The following PPM1L variants were observed in gnomAD, a reference collection of about 807,000 sequenced individuals.
PPM1L encodes the protein protein phosphatase, Mg2+/Mn2+ dependent 1L.
In PPM1L, 13 loss-of-function variants were observed where a neutral mutation model predicts 31.4. That is an observed-to-expected ratio of 0.41 (90% CI 0.27 to 0.66). The LOEUF is 0.66. Ranked by LOEUF, PPM1L falls within the 30% of genes least tolerant of loss-of-function variation. The pLI is 0.29. For synonymous variants in PPM1L, 184 were observed against 175.4 expected (o/e 1.05, Z -0.39); for missense variants, 326 against 453.7 (o/e 0.72, Z 2.56).
At chr3:160,965,246 CA>C (rs903460640) in intron 2 of PPM1L, among the ~76,000 whole-genome samples, 107 of 135,310 alleles carry the variant, frequency 7.9e-4, no homozygotes, top group Middle Eastern at 3.8e-3. Flanking sequence ...GCCTCCATCT[CA>C]AAAAAAAAAA....
At chr3:160,757,126 A>G (rs1385465362) in intron 1 of PPM1L, among the ~76,000 whole-genome samples, 3 of 152,294 alleles carry the variant, frequency 2.0e-5, no homozygotes, top group South Asian at 2.1e-4. Flanking sequence ...AAGGAAGACA[A>G]TATCTTATGC....
intron 1 of PPM1L, among the ~76,000 whole-genome samples, chr3:160,884,509 C>G (rs555666655): frequency 6.6e-6 from 1 of 152,220 alleles, no homozygotes; most frequent in South Asian, 2.1e-4. Flanking sequence ...TGTAAGGGAC[C>G]CAGTGGCACT....
chr3:161,028,135 G>C lies in PPM1L; in HGVS notation c.575-37268G>C, dbSNP rs558655216. On this transcript the variant is annotated intron_variant, in intron 2 of 3. Coordinates refer to ENST00000498165, the MANE Select transcript of PPM1L (RefSeq NM_139245.4). ...GAAGGGGAATTTCAGAAATCATAAA[G>C]TAATAGAATTAACAAGGCTTACCGG... Among the ~76,000 whole-genome samples, 58 of 152,266 alleles carry C rather than the reference G, an allele frequency of 3.8e-4. 1 individual carries two copies. In the South Asian group the frequency reaches 0.01, roughly 27 times the overall value.
At chr3:160,966,932 T>C (rs7617759) in intron 2 of PPM1L, among the ~76,000 whole-genome samples, 136,889 of 152,028 alleles carry the variant, frequency 0.9, 61,766 homozygotes, top group Middle Eastern at 0.97. Context: ...GCAGGAATTA[T>C]GTAAACCAGT....
rs1025762840 is a variant in PPM1L at position 160,884,001 on chromosome 3, T to A, written c.400-77735T>A. ...AGGAGGATTTCTTGAGCCTGGGAGT[T>A]TGAGACTGCCACGAGCTGTGATTGA... On this transcript the variant is annotated intron_variant, in intron 1 of 3. Coordinates refer to ENST00000498165, the MANE Select transcript of PPM1L (RefSeq NM_139245.4). Among the ~76,000 whole-genome samples the A allele has an allele frequency of 2.6e-5, 4 of 151,816 alleles. No homozygotes were observed. In the South Asian group the frequency reaches 8.3e-4, roughly 32 times the overall value.
At chr3:160,761,369 C>G (rs897076881) in intron 1 of PPM1L, among the ~76,000 whole-genome samples, 9 of 152,086 alleles carry the variant, frequency 5.9e-5, no homozygotes, top group South Asian at 2.1e-4. Context: ...GGAATAGTCT[C>G]CTTAGCTCTG....
chr3:161,034,186 G>C (rs1463311240), intron 2 of PPM1L, among the ~76,000 whole-genome samples: 1 of 152,144 alleles, frequency 6.6e-6, no homozygotes, highest in Non-Finnish European at 1.5e-5. Context: ...TTAAAGTCAG[G>C]AAACAACAGA....
intron 1 of PPM1L, among the ~76,000 whole-genome samples, chr3:160,931,590 G>A (rs1714790281): frequency 1.3e-5 from 2 of 152,212 alleles, no homozygotes; most frequent in Admixed American, 1.3e-4. Context: ...GAGAAGAGCA[G>A]GGATCTCCTA....
At chr3:160,816,492 T>A (rs201587638) in intron 1 of PPM1L, among the ~76,000 whole-genome samples, 1 of 146,576 alleles carries the variant, frequency 6.8e-6, no homozygotes. Context: ...TTTTTTTTTT[T>A]AACCCAGCTA....
At chr3:160,808,412 T>C (rs9823036) in intron 1 of PPM1L, among the ~76,000 whole-genome samples, 51,435 of 121,988 alleles carry the variant, frequency 0.42, 12,203 homozygotes, top group African/African-American at 0.65. Flanking sequence ...TGTGTGTGTG[T>C]GTGTGTGTGT....
At chr3:160,804,227 C>T (rs888294796) in intron 1 of PPM1L, among the ~76,000 whole-genome samples, 3 of 152,112 alleles carry the variant, frequency 2.0e-5, no homozygotes, top group South Asian at 2.1e-4. Flanking sequence ...CCACCATGCC[C>T]GGCTGAGATT....
chr3:160,979,176 CA>C (rs1242543900), intron 2 of PPM1L, among the ~76,000 whole-genome samples: 4 of 152,034 alleles, frequency 2.6e-5, no homozygotes, highest in African/African-American at 9.7e-5. Context: ...ACCTGAGTAG[CA>C]TGGTGAGATG....
chr3:161,045,002 A>G (rs1197697457), intron 2 of PPM1L, among the ~76,000 whole-genome samples: 2 of 152,246 alleles, frequency 1.3e-5, no homozygotes, highest in African/African-American at 2.4e-5. Context: ...TTTTAAACCA[A>G]CAAAGATCAA....
intron 1 of PPM1L, among the ~76,000 whole-genome samples, chr3:160,849,068 A>G (rs901996939): frequency 6.6e-6 from 1 of 152,192 alleles, no homozygotes; most frequent in Non-Finnish European, 1.5e-5. Context: ...CAGTGACCTC[A>G]TTTTGAACCT....
At chr3:161,067,623 A>G (rs1235718496) in intron 3 of PPM1L, among the ~76,000 whole-genome samples, 3 of 152,328 alleles carry the variant, frequency 2.0e-5, no homozygotes, top group East Asian at 1.9e-4. Context: ...AGAGGTTGAT[A>G]ATATTATTCT....
intron 2 of PPM1L, among the ~76,000 whole-genome samples, chr3:161,035,210 TA>T (rs63163360): frequency 0.15 from 21,257 of 139,660 alleles, 1,620 homozygotes; most frequent in East Asian, 0.29. Context: ...AAAGTATAAT[TA>T]AAAAAAAAAA....
At chr3:160,827,983 A>G (rs1265353068) in intron 1 of PPM1L, among the ~76,000 whole-genome samples, 1 of 152,090 alleles carries the variant, frequency 6.6e-6, no homozygotes, top group African/African-American at 2.4e-5. Flanking sequence ...GGCACCACAC[A>G]CTTTTAAACA....
chr3:160,942,953 G>A (rs528877794), intron 1 of PPM1L, among the ~76,000 whole-genome samples: 1 of 152,016 alleles, frequency 6.6e-6, no homozygotes, highest in African/African-American at 2.4e-5. Context: ...CTGAAGGATA[G>A]ACTTTTTTTT....
chr3:161,057,848 T>A (rs1037591945), intron 2 of PPM1L, among the ~76,000 whole-genome samples: 2 of 151,820 alleles, frequency 1.3e-5, no homozygotes, highest in African/African-American at 4.8e-5. Context: ...TGCCCTTCCT[T>A]AGAGCCAGAA....
Sources: allele counts gnomAD v4.1 joint callset (sites outside exome capture counted in the v4.1 genomes callset), GRCh38; gene constraint gnomAD v4.1.1; transcripts MANE v1.5; gene names NCBI Gene and HGNC (gene_info 2026-07-23, HGNC 2026-07-21).